GATA6: variants seen among roughly 807,000 people sequenced by gnomAD.
The protein encoded by GATA6 is GATA binding protein 6, also known as transcription factor GATA-6.
A neutral mutation model predicts 48.1 loss-of-function variants in GATA6; 11 were observed. The observed-to-expected ratio is 0.23, with a 90% CI of 0.14 to 0.38. The LOEUF (loss-of-function observed/expected upper bound fraction) is 0.38. GATA6 is among the 10% of genes least tolerant of loss of function. The pLI, the probability that GATA6 is intolerant of heterozygous loss-of-function variation, is 1.00. For missense variants in GATA6, 795 were observed against 850.3 expected (o/e 0.93, Z 0.81); for synonymous variants, 419 against 396.1 (o/e 1.06, Z -0.69).
chr18:22,182,612 C>T, intron 4 of GATA6, 145 bp from the exon 5 acceptor site: 1 of 653,428 alleles, frequency 1.5e-6, no homozygotes, highest in East Asian at 2.7e-5. Flanking sequence ...CCTGCCTCGG[C>T]CTCTGAAAGT....
Position 22,181,478 on chromosome 18 carries a change from C to A in GATA6, c.1328C>A (p.Ser443Tyr). 1 of 1,614,168 alleles carries A rather than the reference C, an allele frequency of 6.2e-7. No homozygotes were observed. The highest frequency in any genetic ancestry group is 8.5e-7 in the Non-Finnish European group (1 of 1,180,016). ...RVPSSRRLGL[S>Y]CANCHTTTTT... Reference sequence around the variant, plus strand: ...CCTTCATCACGGCGGCTTGGATTGTCCTGTGCCAACTGTCACACCACAACT... The same window carrying A: ...CCTTCATCACGGCGGCTTGGATTGTACTGTGCCAACTGTCACACCACAACT... Residue 443 changes from serine to tyrosine, a missense_variant, in exon 4 of 7, where the codon TCC becomes TAC. By Grantham distance (144) the Ser-to-Tyr change is moderately radical. Coordinates refer to ENST00000269216, the MANE Select transcript of GATA6 (RefSeq NM_005257.6).
intron 6 of GATA6, among the ~76,000 whole-genome samples, chr18:22,191,923 TTGA>T (rs1447337413): frequency 6.6e-6 from 1 of 152,250 alleles, no homozygotes; most frequent in Non-Finnish European, 1.5e-5. Flanking sequence ...ATGATCCGAC[TTGA>T]TGGTGTGCTG....
rs144512170 is a variant in GATA6 at position 22,181,462 on chromosome 18, C to T, written c.1312C>T (p.Arg438Trp). The change falls in exon 4 of 7, where the codon CGG (arginine) becomes TGG (tryptophan). Residue 438 changes from arginine (R) to tryptophan (W), a missense_variant. This residue lies in a region of GATA6 where 76 missense variants were observed against 113.1 expected (regional missense o/e 0.67). Coordinates refer to ENST00000269216, the MANE Select transcript of GATA6 (RefSeq NM_005257.6). ...CTTGTACTGTTTCTAGCCTTCATCA[C>T]GGCGGCTTGGATTGTCCTGTGCCAA... ...IKPQKRVPSS[R>W]RLGLSCANCH... 2 of 1,614,162 alleles carry T rather than the reference C, an allele frequency of 1.2e-6. No individual in the cohort carries two copies. Among genetic ancestry groups the T allele is most frequent in the Non-Finnish European group, 8.5e-7 (1 of 1,180,014 alleles).
chr18:22,184,298 G>T (rs1293856610), intron 6 of GATA6, among the ~76,000 whole-genome samples: 1 of 150,336 alleles, frequency 6.7e-6, no homozygotes, highest in Non-Finnish European at 1.5e-5. Context: ...GAAACAAAAC[G>T]TCTTTTTAGA....
intron 6 of GATA6, among the ~76,000 whole-genome samples, chr18:22,188,765 A>G (rs2033294295): frequency 6.6e-6 from 1 of 152,114 alleles, no homozygotes; most frequent in Admixed American, 6.5e-5. Context: ...TTTCCTCCTC[A>G]CAATTAGGGA....
intron 3 of GATA6, among the ~76,000 whole-genome samples, chr18:22,180,595 T>C (rs2033180103): frequency 6.6e-6 from 1 of 152,190 alleles, no homozygotes; most frequent in Non-Finnish European, 1.5e-5. Flanking sequence ...AATTTGCTCG[T>C]ATCCTTTGTA....
Position 22,171,056 on chromosome 18 carries a change from C to CT in GATA6, c.-37-50dup, listed in dbSNP as rs2033030548. ...GGCGAGGTAGCGTGCAGCCTACGCT[C>CT]TTGTTAACCCGTCGATCTCCTACCA... On this transcript the variant is annotated intron_variant, in intron 1 of 6. Transcript: ENST00000269216. This position sits in a 1 kb window ranked among gnomAD's most constrained non-coding sequence, Gnocchi z 7.1. The CT allele has an allele frequency of 1.4e-5, 16 of 1,146,936 alleles. No individual in the cohort carries two copies. Among genetic ancestry groups the CT allele is most frequent in the Non-Finnish European group, 1.9e-5 (15 of 783,664 alleles). 71.0% of individuals were successfully genotyped at this position (1,146,936 alleles called of 1,614,324 possible).
Position 22,200,909 on chromosome 18 carries a change from C to T in GATA6, c.*86C>T. Reference sequence around the variant, plus strand: ...TTTTGTGCAGCGGTCCAGACAGTGGCGACTGCGCTGACAGAACGTGATTCT... The same window carrying T: ...TTTTGTGCAGCGGTCCAGACAGTGGTGACTGCGCTGACAGAACGTGATTCT... On this transcript the variant is annotated 3_prime_UTR_variant, in exon 7 of 7. Transcript: ENST00000269216. The T allele has an allele frequency of 1.5e-6, 2 of 1,352,214 alleles. No individual in the cohort carries two copies. The highest frequency in any genetic ancestry group is 1.0e-6 in the Non-Finnish European group (1 of 979,300). The allele number at this position is 1,352,214 out of a possible 1,614,324, so 83.8% of individuals were successfully genotyped here.
Position 22,200,656 on chromosome 18 carries a change from G to A in GATA6, c.1621G>A (p.Ala541Thr), listed in dbSNP as rs2143345732. 6.2e-7 allele frequency: 1 copy of A among 1,614,250 alleles called. No homozygotes were observed. Among genetic ancestry groups the A allele is most frequent in the Non-Finnish European group, 8.5e-7 (1 of 1,180,046 alleles). The change falls in exon 7 of 7, where the codon GCG becomes ACG. Residue 541 changes from alanine to threonine, a missense_variant and splice_region_variant. This residue lies in a region of GATA6 where 103 missense variants were observed against 103.7 expected (regional missense o/e 0.99). Transcript: ENST00000269216. ...CCTCTGTGTCCCCCTCTTCTGCCAG[G>A]CGGGTGCCCCGGTGATGACTGGTGC... is the stretch of plus-strand genomic sequence containing the variant. ...SPTTQPTASG[A>T]GAPVMTGAGE...
In GATA6 at chr18:22,177,944, GT is replaced by G. The variant is rs979067151; in HGVS notation, c.1302+830del. On this transcript the variant is annotated intron_variant, in intron 3 of 6. Coordinates refer to ENST00000269216, the MANE Select transcript of GATA6 (RefSeq NM_005257.6). Reference sequence around the variant, plus strand: ...TTCCCCAATTCGCACACGTTTTACTGTTTTTTTGTTTTTTTTTTTTTTTTTT... The same window carrying G: ...TTCCCCAATTCGCACACGTTTTACTGTTTTTTGTTTTTTTTTTTTTTTTTT... Among the ~76,000 whole-genome samples the G allele has an allele frequency of 5.1e-5, 4 of 77,886 alleles. 1 individual carries two copies. The highest frequency in any genetic ancestry group is 2.5e-4 in the African/African-American group (4 of 15,882). The allele number at this position is 77,886 out of a possible 152,430, so 51.1% of individuals were successfully genotyped here.
At chr18:22,178,686 C>T (rs1010395148) in intron 3 of GATA6, among the ~76,000 whole-genome samples, 1 of 152,188 alleles carries the variant, frequency 6.6e-6, no homozygotes, top group Non-Finnish European at 1.5e-5. Context: ...AGTGTATGTG[C>T]CTTAAACTCG....
At chr18:22,196,880 C>T (rs1020198818) in intron 6 of GATA6, among the ~76,000 whole-genome samples, 1 of 152,100 alleles carries the variant, frequency 6.6e-6, no homozygotes. Context: ...CTTTGAGCTC[C>T]AACTGTGTTC....
Position 22,171,332 on chromosome 18 carries a change from C to T in GATA6, c.188C>T (p.Pro63Leu). The T allele has an allele frequency of 1.3e-6, 2 of 1,588,294 alleles. No homozygotes were observed. Among genetic ancestry groups the T allele is most frequent in the Non-Finnish European group, 1.7e-6 (2 of 1,174,388 alleles). ...GPGGASNCGT[P>L]QLDTEAAAGP... ...GGCGGCGCCAGCAACTGCGGGACGC[C>T]TCAGCTCGACACGGAGGCGGCGGCC... Residue 63 changes from proline to leucine, a missense_variant, in exon 2 of 7, where the codon CCT becomes CTT. Physicochemically the swap from Pro to Leu is moderately conservative, Grantham distance 98. Around this residue, in one of 5 missense-constraint regions of GATA6, gnomAD observed 591 missense variants for 570.0 expected, o/e 1.04. Transcript: ENST00000269216. The surrounding 1 kb of genome is among the most constrained non-coding windows in gnomAD (Gnocchi z 7.1).
At position 22,170,240 on chromosome 18, in the gene GATA6, C is replaced by T. The variant is rs1426558901; in HGVS notation, c.-38+558C>T. Among the ~76,000 whole-genome samples, 3 of 152,214 alleles carry T rather than the reference C, an allele frequency of 2.0e-5. No individual in the cohort carries two copies. Among genetic ancestry groups the T allele is most frequent in the Non-Finnish European group, 4.4e-5 (3 of 68,030 alleles). The stretch of plus-strand genomic sequence containing the variant: ...CTCTGCTCTCCGCTCCACCCCGCTA[C>T]GTCCGATTCCGGAACGGTCCGGCGT... On this transcript the variant is annotated intron_variant, in intron 1 of 6. Transcript: ENST00000269216. This position sits in a 1 kb window ranked among gnomAD's most constrained non-coding sequence, Gnocchi z 6.7.
chr18:22,199,189 G>A (rs1411996142), intron 6 of GATA6, among the ~76,000 whole-genome samples: 1 of 152,200 alleles, frequency 6.6e-6, no homozygotes, highest in South Asian at 2.1e-4. Flanking sequence ...TCATTCACTT[G>A]CAGGCCGTGG....
rs982739094 is a variant in GATA6 at position 22,172,627 on chromosome 18, C to T, written c.1135+348C>T. Among the ~76,000 whole-genome samples the T allele has an allele frequency of 2.6e-5, 4 of 152,136 alleles. No homozygotes were observed. The highest frequency in any genetic ancestry group is 4.8e-5 in the African/African-American group (2 of 41,422). On this transcript the variant is annotated intron_variant, in intron 2 of 6. Coordinates refer to ENST00000269216, the MANE Select transcript of GATA6 (RefSeq NM_005257.6). This position sits in a 1 kb window ranked among gnomAD's most constrained non-coding sequence, Gnocchi z 5.2. ...AACGAGGCTGGGAGGGAACTAACAG[C>T]GCTTGAGCCCCATCGCAGACCCTAC...
In GATA6 at chr18:22,185,686, CTCG is replaced by C. The variant is rs755151335; in HGVS notation, c.1620+2646_1620+2648del. ...TGTGGCCATTGTGGGGAAACAGCTA[CTCG>C]TCTGCTGGCTGCCTTTGGAAGCTGT... On this transcript the variant is annotated intron_variant, in intron 6 of 6. Transcript: ENST00000269216. This position sits in a 1 kb window ranked among gnomAD's most constrained non-coding sequence, Gnocchi z 4.3. 2.0e-5 allele frequency among the ~76,000 whole-genome samples: 3 copies of C among 152,246 alleles called. No individual in the cohort carries two copies. The highest frequency in any genetic ancestry group is 2.9e-5 in the Non-Finnish European group (2 of 68,044).
At chr18:22,173,172 G>A (rs1318061413) in intron 2 of GATA6, among the ~76,000 whole-genome samples, 1 of 152,220 alleles carries the variant, frequency 6.6e-6, no homozygotes, top group Non-Finnish European at 1.5e-5. Context: ...ACCTCGTTTT[G>A]AAAAGTGTTT....
intron 6 of GATA6, among the ~76,000 whole-genome samples, chr18:22,190,006 A>G (rs2033308394): frequency 6.6e-6 from 1 of 152,236 alleles, no homozygotes; most frequent in Non-Finnish European, 1.5e-5. Context: ...TTGCCACTAC[A>G]GCGTGTTAGA....
Sources: allele counts gnomAD v4.1 joint callset (sites outside exome capture counted in the v4.1 genomes callset), GRCh38; gene constraint gnomAD v4.1.1; regional missense constraint gnomAD v4.1.1; non-coding constraint Gnocchi (gnomAD v3.1); transcripts MANE v1.5; gene names NCBI Gene and HGNC (gene_info 2026-07-23, HGNC 2026-07-21).